Variants in ANTXR1 observed in about 807,000 individuals in gnomAD.
ANTXR1 encodes ANTXR cell adhesion molecule 1.
ANTXR1 carries 19 observed loss-of-function variants against 78.1 expected under a neutral mutation model. The ratio of observed to expected loss-of-function variants is 0.24; its 90% CI spans 0.17 to 0.36. ANTXR1 has a LOEUF of 0.36. Among genes scored for constraint, ANTXR1 ranks in the 10% least tolerant of loss-of-function variants. The pLI, the probability that ANTXR1 is intolerant of heterozygous loss-of-function variation, is 1.00. For missense variants in ANTXR1, 518 were observed against 718.6 expected (o/e 0.72, Z 3.19); for synonymous variants, 273 against 260.5 (o/e 1.05, Z -0.46).
rs771296049 is a variant in ANTXR1, at chr2:69,203,713, A to T, written c.1434+10298A>T. 2.0e-5 allele frequency among the ~76,000 whole-genome samples: 3 copies of T among 151,772 alleles called. No homozygotes were observed. In the East Asian group the frequency reaches 5.8e-4, roughly 29 times the overall value. On this transcript the variant is annotated intron_variant, in intron 17 of 17. Coordinates refer to ENST00000303714, the MANE Select transcript of ANTXR1 (RefSeq NM_032208.3). ...ATCCCCCTTTTTCCACAAGCATTAC[A>T]CACTCACATTCACACACATTCCTCC...
At chr2:69,155,130 T>C (rs952879065) in intron 13 of ANTXR1, among the ~76,000 whole-genome samples, 5 of 152,156 alleles carry the variant, frequency 3.3e-5, no homozygotes, top group South Asian at 2.1e-4. Flanking sequence ...ACTCCCCCAT[T>C]TGGGCTCTTA....
intron 3 of ANTXR1, among the ~76,000 whole-genome samples, chr2:69,056,240 A>G (rs1284748597): frequency 1.3e-5 from 2 of 152,188 alleles, no homozygotes; most frequent in African/African-American, 4.8e-5. Context: ...TTATTGCCCA[A>G]CAAAAACAAT....
At chr2:69,226,882 T>C (rs1675469352) in intron 17 of ANTXR1, among the ~76,000 whole-genome samples, 1 of 152,178 alleles carries the variant, frequency 6.6e-6, no homozygotes, top group Non-Finnish European at 1.5e-5. Flanking sequence ...AGTCTCAATA[T>C]GAGTCCAACA....
chr2:69,193,963 C>T (rs1251196509), intron 17 of ANTXR1, among the ~76,000 whole-genome samples: 2 of 152,208 alleles, frequency 1.3e-5, no homozygotes, highest in East Asian at 3.9e-4. Context: ...TTTGTCTTGG[C>T]ATTGTCAAGG....
At position 69,249,142 on chromosome 2, in the gene ANTXR1, T is replaced by C. The variant is rs1676083254; in HGVS notation, c.*3657T>C. 6.6e-6 allele frequency: 1 copy of C among 152,114 alleles called. No homozygotes were observed. Among genetic ancestry groups the C allele is most frequent in the Admixed American group, 6.5e-5 (1 of 15,278 alleles). The allele number at this position is 152,114 out of a possible 1,614,324, so 9.4% of individuals were successfully genotyped here. ...ATGACAACCCTGGAAGTTGCTTTTT[T>C]TAAAAAAATAATAAATTTCTTAAAT... On this transcript the variant is annotated 3_prime_UTR_variant, in exon 18 of 18. Coordinates refer to ENST00000303714, the MANE Select transcript of ANTXR1 (RefSeq NM_032208.3).
chr2:69,204,690 G>A (rs1044132744), intron 17 of ANTXR1, among the ~76,000 whole-genome samples: 4 of 152,186 alleles, frequency 2.6e-5, no homozygotes, highest in African/African-American at 9.7e-5. Context: ...AGGAGGATAA[G>A]CATCCAGACT....
intron 10 of ANTXR1, 122 bp from the exon 11 acceptor site, chr2:69,122,895 C>G (rs752296325): frequency 3.9e-6 from 4 of 1,029,278 alleles, no homozygotes; most frequent in Non-Finnish European, 6.1e-6. Flanking sequence ...AGTTTTTAAG[C>G]TCAAAAAGAT....
At chr2:69,170,054 C>G (rs1673937724) in intron 13 of ANTXR1, among the ~76,000 whole-genome samples, 194 bp from the exon 14 acceptor site, 1 of 152,188 alleles carries the variant, frequency 6.6e-6, no homozygotes, top group Non-Finnish European at 1.5e-5. Context: ...AACCCTCAGC[C>G]TGAGTCATAT....
chr2:69,213,961 T>C (rs1675114891), intron 17 of ANTXR1, among the ~76,000 whole-genome samples: 9 of 152,080 alleles, frequency 5.9e-5, no homozygotes, highest in Admixed American at 5.9e-4. Flanking sequence ...TGGGAGGGGG[T>C]CAGCCCAGCT....
intron 17 of ANTXR1, among the ~76,000 whole-genome samples, chr2:69,200,631 T>A (rs1171461436): frequency 6.6e-6 from 1 of 152,218 alleles, no homozygotes; most frequent in Non-Finnish European, 1.5e-5. Context: ...TTCTAAGGCC[T>A]GCCATGGCTG....
At position 69,026,356 on chromosome 2, in the gene ANTXR1, T is replaced by G. The variant is rs146331583; in HGVS notation, c.152+12705T>G. Among the ~76,000 whole-genome samples the G allele has an allele frequency of 4.7e-3, 721 of 152,328 alleles. 5 individuals carry two copies. The highest frequency in any genetic ancestry group is 8.2e-3 in the Non-Finnish European group (560 of 68,026). ...TCTCTATGAATTCAGTCTCCTCATC[T>G]GGAAAAAGGGAGATAATAATAGTAT... is the stretch of plus-strand genomic sequence containing the variant. On this transcript the variant is annotated intron_variant, in intron 1 of 17. Transcript: ENST00000303714.
chr2:69,212,868 G>A (rs1336641629), intron 17 of ANTXR1, among the ~76,000 whole-genome samples: 1 of 151,790 alleles, frequency 6.6e-6, no homozygotes, highest in Non-Finnish European at 1.5e-5. Flanking sequence ...GAGTGCAGTG[G>A]TGAACATAGC....
At chr2:69,175,932 T>A (rs1674108846) in intron 14 of ANTXR1, among the ~76,000 whole-genome samples, 1 of 152,018 alleles carries the variant, frequency 6.6e-6, no homozygotes, top group African/African-American at 2.4e-5. Context: ...GCCAGATAAG[T>A]TGAACTCCTA....
intron 17 of ANTXR1, among the ~76,000 whole-genome samples, chr2:69,230,260 G>A (rs558832129): frequency 1.2e-4 from 18 of 151,576 alleles, no homozygotes; most frequent in African/African-American, 4.4e-4. Flanking sequence ...TTTAAAGAAG[G>A]GATTTAAGCA....
At chr2:69,170,130 C>T (rs932296074) in intron 13 of ANTXR1, 118 bp from the exon 14 acceptor site, 37 of 1,099,162 alleles carry the variant, frequency 3.4e-5, no homozygotes, top group Non-Finnish European at 5.0e-5. Context: ...GCCCGACTTG[C>T]TGGGGCCATT....
chr2:69,167,345 G>T (rs553842060), intron 13 of ANTXR1, among the ~76,000 whole-genome samples: 1 of 152,198 alleles, frequency 6.6e-6, no homozygotes, highest in Admixed American at 6.5e-5. Context: ...CCATGGTGCC[G>T]CAGGCTACAG....
intron 17 of ANTXR1, among the ~76,000 whole-genome samples, chr2:69,216,703 C>T (rs758624519): frequency 1.3e-5 from 2 of 152,196 alleles, no homozygotes; most frequent in Non-Finnish European, 2.9e-5. Context: ...GGAGCAAGAC[C>T]TTGTCCCCTC....
At chr2:69,081,158 A>G (rs965981439) in intron 8 of ANTXR1, among the ~76,000 whole-genome samples, 5 of 152,240 alleles carry the variant, frequency 3.3e-5, no homozygotes, top group African/African-American at 9.6e-5. Context: ...CATTTTATAG[A>G]TGAGGAAACT....
chr2:69,095,890 G>A (rs2104296374), intron 9 of ANTXR1, among the ~76,000 whole-genome samples: 1 of 152,254 alleles, frequency 6.6e-6, no homozygotes, highest in South Asian at 2.1e-4. Context: ...CAGTATTCCT[G>A]GAACTGTTTC....
Sources: allele counts gnomAD v4.1 joint callset (sites outside exome capture counted in the v4.1 genomes callset), GRCh38; gene constraint gnomAD v4.1.1; transcripts MANE v1.5; gene names NCBI Gene and HGNC (gene_info 2026-07-23, HGNC 2026-07-21).